The following CTNNA3 variants were observed in gnomAD, a reference collection of about 807,000 sequenced individuals.
CTNNA3 encodes the protein catenin alpha 3, also known as catenin alpha-3.
CTNNA3 carries 76 observed loss-of-function variants against 95.7 expected under a neutral mutation model. The ratio of observed to expected loss-of-function variants is 0.79; its 90% CI spans 0.66 to 0.96. CTNNA3 has a LOEUF of 0.96. Ranked by LOEUF, CTNNA3 falls within the 40% of genes least tolerant of loss-of-function variation. CTNNA3 has a pLI of 0.00. For missense variants in CTNNA3, 1,191 were observed against 1,089.8 expected, an observed-to-expected ratio of 1.09 and a Z score of -1.31; for synonymous variants, 431 against 374.4, an observed-to-expected ratio of 1.15 and a Z score of -1.74.
chr10:66,066,159 A>G (rs1287375860), intron 15 of CTNNA3, among the ~76,000 whole-genome samples: 2 of 152,042 alleles, frequency 1.3e-5, no homozygotes, highest in African/African-American at 4.8e-5. Context: ...CACCGCACCT[A>G]GCCACCAAGA....
intron 12 of CTNNA3, among the ~76,000 whole-genome samples, chr10:66,367,699 T>TA (rs2092719999): frequency 6.7e-6 from 1 of 149,128 alleles, no homozygotes; most frequent in Admixed American, 6.7e-5. Context: ...ATTTTAAAAT[T>TA]TTGGGGTCAT....
chr10:66,140,714 T>A (rs1327863131), intron 13 of CTNNA3, among the ~76,000 whole-genome samples: 2 of 152,212 alleles, frequency 1.3e-5, no homozygotes, highest in Non-Finnish European at 2.9e-5. Context: ...TGCAGCCAAC[T>A]CATTTGTAAA....
At chr10:66,895,400 A>G (rs768400285) in intron 7 of CTNNA3, among the ~76,000 whole-genome samples, 46 of 152,220 alleles carry the variant, frequency 3.0e-4, no homozygotes, top group Non-Finnish European at 5.6e-4. Context: ...TATGAAGTAG[A>G]TCAAAAATGG....
At chr10:67,559,925 G>C (rs1256861334) in intron 3 of CTNNA3, among the ~76,000 whole-genome samples, 1 of 152,102 alleles carries the variant, frequency 6.6e-6, no homozygotes, top group African/African-American at 2.4e-5. Context: ...AGCGAGAAGG[G>C]AAGTTTAGAG....
intron 12 of CTNNA3, among the ~76,000 whole-genome samples, chr10:66,326,984 CAA>C (rs1234107555): frequency 6.6e-6 from 1 of 151,962 alleles, no homozygotes; most frequent in African/African-American, 2.4e-5. Flanking sequence ...AAAGTTTAGT[CAA>C]ACAGTTAGGC....
At chr10:67,712,640 G>C (rs1301168804) in intron 1 of CTNNA3, among the ~76,000 whole-genome samples, 1 of 152,150 alleles carries the variant, frequency 6.6e-6, no homozygotes, top group East Asian at 1.9e-4. Flanking sequence ...GTGCAGAGAA[G>C]TCAAGAATTG....
chr10:66,214,633 G>GA (rs923075061), intron 13 of CTNNA3, among the ~76,000 whole-genome samples: 1 of 151,472 alleles, frequency 6.6e-6, no homozygotes, highest in Non-Finnish European at 1.5e-5. Context: ...AAGAGAGGGA[G>GA]AAAAAATATA....
At position 67,750,670 on chromosome 10, in the gene CTNNA3, A is replaced by G; in HGVS notation, c.-2+12764T>C. On this transcript the variant is annotated intron_variant, in intron 1 of 17. Transcript: ENST00000684154. ...TTTTTTCCGCAAAGATGATAAAGGTAATATGATCGGTGGAAAAGCAATGTT... is the reference window on the plus strand; with the variant it reads ...TTTTTTCCGCAAAGATGATAAAGGTGATATGATCGGTGGAAAAGCAATGTT... 3 of 1,544,804 alleles carry G rather than the reference A, an allele frequency of 1.9e-6. No individual in the cohort carries two copies. The South Asian group carries it at 3.3e-5, about 17-fold the overall frequency.
intron 7 of CTNNA3, among the ~76,000 whole-genome samples, chr10:66,868,377 A>AT (rs978821448): frequency 2.0e-5 from 3 of 151,620 alleles, no homozygotes; most frequent in African/African-American, 4.9e-5. Context: ...AAAATTAAAA[A>AT]AAAAATAAAA....
intron 9 of CTNNA3, among the ~76,000 whole-genome samples, chr10:66,681,051 C>A (rs1847050687): frequency 6.6e-6 from 1 of 152,122 alleles, no homozygotes; most frequent in African/African-American, 2.4e-5. Context: ...TCTACATAAA[C>A]TTTGTGGAAT....
At chr10:66,862,381 G>A (rs1042755461) in intron 7 of CTNNA3, among the ~76,000 whole-genome samples, 2 of 152,072 alleles carry the variant, frequency 1.3e-5, no homozygotes, top group African/African-American at 4.8e-5. Context: ...TGTTAAGTGA[G>A]GATTTACTGT....
intron 7 of CTNNA3, among the ~76,000 whole-genome samples, chr10:66,992,556 A>T (rs1286169586): frequency 6.6e-6 from 1 of 152,056 alleles, no homozygotes; most frequent in Non-Finnish European, 1.5e-5. Context: ...TAATGGCAAC[A>T]GAAATTTAAA....
Position 66,341,620 on chromosome 10 carries a change from C to T in CTNNA3, c.1732+37532G>A, listed in dbSNP as rs375891383. ...TTAGATTTTTCTTTATGCACAATTG[C>T]TTGGTGTTATCTTCTTAATTGAGTC... On this transcript the variant is annotated intron_variant, in intron 12 of 17. Transcript: ENST00000433211. 4.5e-4 allele frequency among the ~76,000 whole-genome samples: 69 copies of T among 151,954 alleles called. 1 individual carries two copies. The South Asian group carries it at 0.014, about 31-fold the overall frequency.
intron 7 of CTNNA3, among the ~76,000 whole-genome samples, chr10:66,879,649 C>T (rs959534209): frequency 2.6e-5 from 4 of 151,914 alleles, no homozygotes; most frequent in African/African-American, 9.7e-5. Context: ...GTCAGGAATG[C>T]CAGCTGAATG....
intron 14 of CTNNA3, among the ~76,000 whole-genome samples, chr10:66,094,103 C>T (rs146726805): frequency 1.8e-4 from 27 of 152,124 alleles, no homozygotes; most frequent in African/African-American, 3.6e-4. Flanking sequence ...CTCAGACTTG[C>T]GTATCAGAGA....
At chr10:67,453,556 A>C (rs1014489640) in intron 5 of CTNNA3, among the ~76,000 whole-genome samples, 2 of 152,234 alleles carry the variant, frequency 1.3e-5, no homozygotes, top group Non-Finnish European at 2.9e-5. Context: ...TATTTCCAGC[A>C]TGGAAAACAA....
intron 7 of CTNNA3, among the ~76,000 whole-genome samples, chr10:66,825,556 G>C (rs1220428272): frequency 1.3e-5 from 2 of 152,034 alleles, no homozygotes; most frequent in African/African-American, 4.8e-5. Context: ...GAGACTATAG[G>C]CATGAACCAC....
At chr10:67,191,781 C>T (rs1322759561) in intron 6 of CTNNA3, among the ~76,000 whole-genome samples, 2 of 151,878 alleles carry the variant, frequency 1.3e-5, no homozygotes, top group African/African-American at 2.4e-5. Flanking sequence ...CAAAAGACCA[C>T]AAATAGCCAA....
intron 15 of CTNNA3, among the ~76,000 whole-genome samples, chr10:66,058,977 A>T (rs1190951560): frequency 6.6e-6 from 1 of 152,042 alleles, no homozygotes; most frequent in African/African-American, 2.4e-5. Context: ...TTGACCTTTC[A>T]AGTTGTGATG....
Sources: gnomAD v4.1 joint callset for allele counts (sites outside exome capture counted in the v4.1 genomes callset) on GRCh38, gnomAD v4.1.1 for gene constraint, MANE v1.5 for transcripts, NCBI Gene and HGNC (gene_info 2026-07-23, HGNC 2026-07-21) for gene names.